The following GARIN1B variants were observed in gnomAD, a reference collection of about 807,000 sequenced individuals.
GARIN1B encodes the protein Golgi-associated RAB2 interactor protein 1B.
At chr7:128,717,396 T>G in the GARIN1B span, among the ~76,000 whole-genome samples, 246 of 152,136 alleles carry the variant, frequency 1.6e-3, 1 homozygote, top group Non-Finnish European at 2.6e-3. Context: ...AAATCACAAG[T>G]TATTTGCTGC....
chr7:128,715,757 G>C, the GARIN1B span: 47 of 1,367,276 alleles, frequency 3.4e-5, no homozygotes, highest in Non-Finnish European at 4.9e-5. Flanking sequence ...ATATGACTGA[G>C]AGAGTCCATC....
At chr7:128,719,104 C>A in the GARIN1B span, 1 of 1,608,992 alleles carries the variant, frequency 6.2e-7, no homozygotes, top group Non-Finnish European at 8.5e-7. Flanking sequence ...ACCATTGCCA[C>A]CCTGCAGTCA....
chr7:128,717,015 G>C, the GARIN1B span: 1 of 1,587,764 alleles, frequency 6.3e-7, no homozygotes, highest in Non-Finnish European at 8.6e-7. Context: ...ATGCAGATGA[G>C]AATGGAGGAC....
the GARIN1B span, chr7:128,731,224 G>T: frequency 9.6e-7 from 1 of 1,037,506 alleles, no homozygotes. Context: ...CTGCAACCAA[G>T]GAAGAATAGA....
At chr7:128,715,816 C>T in the GARIN1B span, 1 of 881,024 alleles carries the variant, frequency 1.1e-6, no homozygotes, top group East Asian at 2.5e-5. Context: ...AGCTAGTGGA[C>T]CTGGAATGCA....
chr7:128,710,106 C>T, the GARIN1B span, among the ~76,000 whole-genome samples: 1 of 151,856 alleles, frequency 6.6e-6, no homozygotes, highest in Non-Finnish European at 1.5e-5. Context: ...TTTGTAGAGA[C>T]AGGGTTTTGT....
chr7:128,722,891 T>G, the GARIN1B span, among the ~76,000 whole-genome samples: 1 of 152,148 alleles, frequency 6.6e-6, no homozygotes, highest in Non-Finnish European at 1.5e-5. Flanking sequence ...TAAACTTTAT[T>G]AAAGCTTATA....
chr7:128,724,887 C>T, the GARIN1B span: 4 of 1,284,394 alleles, frequency 3.1e-6, no homozygotes, highest in African/African-American at 3.1e-5. Flanking sequence ...ACGAAGAGCT[C>T]GCAAAGACAT....
chr7:128,713,262 G>C, the GARIN1B span, among the ~76,000 whole-genome samples: 301 of 152,212 alleles, frequency 2.0e-3, 1 homozygote, highest in Non-Finnish European at 3.2e-3. Flanking sequence ...AGCCAAGACT[G>C]TGCCACTGCA....
the GARIN1B span, among the ~76,000 whole-genome samples, chr7:128,727,684 C>T: frequency 1.3e-5 from 2 of 152,204 alleles, no homozygotes; most frequent in Admixed American, 6.5e-5. Flanking sequence ...ATCATCTTCT[C>T]TAGCCCAAAT....
the GARIN1B span, chr7:128,726,709 A>T: frequency 9.1e-7 from 1 of 1,094,780 alleles, no homozygotes; most frequent in Non-Finnish European, 1.3e-6. Context: ...CCTTTTTCAT[A>T]TTTATATCTG....
the GARIN1B span, chr7:128,714,125 A>G: frequency 6.5e-7 from 1 of 1,536,062 alleles, no homozygotes; most frequent in Non-Finnish European, 8.7e-7. Context: ...GACTGATGGA[A>G]TTGGATGGTG....
the GARIN1B span, among the ~76,000 whole-genome samples, chr7:128,717,904 C>G: frequency 6.6e-6 from 1 of 152,034 alleles, no homozygotes; most frequent in African/African-American, 2.4e-5. Flanking sequence ...TCAAGAATCT[C>G]TAGAAATTCC....
At chr7:128,717,143 A>C in the GARIN1B span, 2 of 768,556 alleles carry the variant, frequency 2.6e-6, no homozygotes, top group South Asian at 4.1e-5. Context: ...ATCCTAAGAC[A>C]GGTGTTGCAC....
the GARIN1B span, among the ~76,000 whole-genome samples, chr7:128,727,723 C>A: frequency 6.6e-6 from 1 of 152,142 alleles, no homozygotes; most frequent in South Asian, 2.1e-4. Flanking sequence ...TTAGCCATCC[C>A]ATGCCTCCTT....
At chr7:128,730,795 C>T in the GARIN1B span, among the ~76,000 whole-genome samples, 1 of 152,228 alleles carries the variant, frequency 6.6e-6, no homozygotes, top group South Asian at 2.1e-4. Context: ...TACAGACATG[C>T]ACCACCACGC....
the GARIN1B span, among the ~76,000 whole-genome samples, chr7:128,709,754 T>C: frequency 1.8e-4 from 5 of 27,652 alleles, no homozygotes; most frequent in African/African-American, 3.6e-4. Context: ...CTCTCTCTTT[T>C]TTTTTTTTTT....
the GARIN1B span, among the ~76,000 whole-genome samples, chr7:128,720,279 A>G: frequency 2.0e-5 from 3 of 150,588 alleles, no homozygotes; most frequent in Non-Finnish European, 4.4e-5. Flanking sequence ...GCTCATTGCA[A>G]CCTCCACCTC....
At chr7:128,728,571 G>A in the GARIN1B span, among the ~76,000 whole-genome samples, 8 of 152,314 alleles carry the variant, frequency 5.3e-5, no homozygotes, top group East Asian at 1.5e-3. Context: ...AAGACAGCAG[G>A]GAGTGGTGGG....
Sources: allele counts gnomAD v4.1 joint callset (sites outside exome capture counted in the v4.1 genomes callset), GRCh38; gene constraint gnomAD v4.1.1; transcripts MANE v1.5; gene names NCBI Gene and HGNC (gene_info 2026-07-23, HGNC 2026-07-21).